The following UBE3D variants were observed in gnomAD, a reference collection of about 807,000 sequenced individuals.
The protein encoded by UBE3D is ubiquitin protein ligase E3D.
Under a neutral mutation model 49.6 loss-of-function variants are expected in UBE3D, and 48 were observed. The observed-to-expected ratio is 0.97, with a 90% CI of 0.77 to 1.23. The LOEUF (loss-of-function observed/expected upper bound fraction) is 1.23, where lower values mean the gene tolerates loss of function less well. UBE3D is among the 50% of genes most tolerant of loss of function. The pLI, the probability that UBE3D is intolerant of heterozygous loss-of-function variation, is 0.00. For missense variants in UBE3D, 452 were observed against 468.4 expected, an observed-to-expected ratio of 0.96 and a Z score of 0.32; for synonymous variants, 189 against 174.2, an observed-to-expected ratio of 1.08 and a Z score of -0.67.
chr6:83,027,460 A>AAAAAAAAAAAAAAAAAAAC (rs1472360166), intron 5 of UBE3D, among the ~76,000 whole-genome samples: 4 of 148,548 alleles, frequency 2.7e-5, no homozygotes, highest in African/African-American at 4.9e-5. Context: ...AAAAAAAAAA[A>AAAAAAAAAAAAAAAAAAAC]AGAAACCACT....
intron 8 of UBE3D, among the ~76,000 whole-genome samples, chr6:82,982,833 T>C (rs1778205110): frequency 6.6e-6 from 1 of 152,190 alleles, no homozygotes; most frequent in South Asian, 2.1e-4. Flanking sequence ...AATCTGCCTA[T>C]GAAAAAACTT....
intron 9 of UBE3D, among the ~76,000 whole-genome samples, chr6:82,932,961 AAAG>A (rs1774278800): frequency 6.6e-6 from 1 of 152,192 alleles, no homozygotes. Flanking sequence ...TGTCTGTTAT[AAAG>A]AATGTGACAG....
intron 5 of UBE3D, 101 bp downstream of exon 5, chr6:83,038,315 T>C (rs993864495): frequency 4.2e-6 from 4 of 950,660 alleles, no homozygotes; most frequent in Non-Finnish European, 6.4e-6. Context: ...TTCCACAACA[T>C]ATATTAATCA....
intron 8 of UBE3D, among the ~76,000 whole-genome samples, chr6:82,966,779 C>A (rs1184432486): frequency 1.3e-5 from 2 of 151,762 alleles, no homozygotes. Flanking sequence ...TCTAGGGATA[C>A]CTATAGATCT....
intron 3 of UBE3D, 48 bp from the exon 4 acceptor site, chr6:83,044,707 A>G (rs1244291197): frequency 7.2e-7 from 1 of 1,390,656 alleles, no homozygotes; most frequent in African/African-American, 1.4e-5. Context: ...AATGATACTA[A>G]CATTTTCTTA....
At chr6:82,924,291 A>T (rs1285028555) in intron 9 of UBE3D, among the ~76,000 whole-genome samples, 10 of 152,152 alleles carry the variant, frequency 6.6e-5, no homozygotes, top group Admixed American at 1.3e-4. Context: ...ACTTGGATGA[A>T]ATATAGGTTG....
chr6:82,923,746 T>C (rs1191768579), intron 9 of UBE3D, among the ~76,000 whole-genome samples: 4 of 152,176 alleles, frequency 2.6e-5, no homozygotes, highest in African/African-American at 9.7e-5. Context: ...GAGGAACATC[T>C]GTTACTTATC....
chr6:83,013,861 A>G (rs948613934), intron 8 of UBE3D, among the ~76,000 whole-genome samples: 6 of 152,230 alleles, frequency 3.9e-5, no homozygotes, highest in Admixed American at 6.5e-5. Context: ...AATGTCCTCA[A>G]TGTAACAGAC....
chr6:82,891,764 A>G (rs12524327), downstream of UBE3D, among the ~76,000 whole-genome samples: 49,694 of 152,116 alleles, frequency 0.33, 9,513 homozygotes, highest in African/African-American at 0.52. Flanking sequence ...GGTGACTCAC[A>G]CCTGTAATCC....
At chr6:82,986,485 A>C (rs898573707) in intron 8 of UBE3D, among the ~76,000 whole-genome samples, 1 of 149,852 alleles carries the variant, frequency 6.7e-6, no homozygotes, top group Non-Finnish European at 1.5e-5. Context: ...AAAAAAAAAA[A>C]AAAAAAAAAA....
In UBE3D at chr6:82,976,560, C is replaced by G. The variant is rs186323623; in HGVS notation, c.1011-19110G>C. On this transcript the variant is annotated intron_variant, in intron 8 of 9. Transcript: ENST00000369747. ...TTTTACACTTGTATTGCCTCTACCT[C>G]TGACCTTCAGCCAATATTTCTGCCA... Among the ~76,000 whole-genome samples, 3 of 152,288 alleles carry G rather than the reference C, an allele frequency of 2.0e-5. No homozygotes were observed. The East Asian group carries it at 5.8e-4, about 29-fold the overall frequency.
chr6:82,957,851 T>C (rs961414023), intron 8 of UBE3D, among the ~76,000 whole-genome samples: 1 of 152,208 alleles, frequency 6.6e-6, no homozygotes, highest in African/African-American at 2.4e-5. Flanking sequence ...ATCCCCATTC[T>C]ACAGCTATGA....
intron 9 of UBE3D, among the ~76,000 whole-genome samples, chr6:82,929,581 T>TG (rs1391222789): frequency 5.9e-5 from 9 of 151,268 alleles, no homozygotes; most frequent in African/African-American, 1.7e-4. Flanking sequence ...TTGTTCTGGT[T>TG]GGGGGGGTGG....
chr6:83,023,919 T>TG, intron 6 of UBE3D, 50 bp downstream of exon 6: 1 of 1,267,022 alleles, frequency 7.9e-7, no homozygotes, highest in Non-Finnish European at 1.1e-6. Context: ...AAGGTCTGAA[T>TG]GGGGAAAAAA....
At chr6:82,907,223 G>C (rs1469933265) in intron 9 of UBE3D, among the ~76,000 whole-genome samples, 1 of 152,178 alleles carries the variant, frequency 6.6e-6, no homozygotes, top group African/African-American at 2.4e-5. Context: ...GAAGGATGAG[G>C]TCGGGCTGTT....
At chr6:83,032,889 C>T (rs1397955545) in intron 5 of UBE3D, among the ~76,000 whole-genome samples, 1 of 152,174 alleles carries the variant, frequency 6.6e-6, no homozygotes. Context: ...GTCTTTGTCC[C>T]CCTTCACCTT....
chr6:82,933,588 G>A (rs893315191), intron 9 of UBE3D, among the ~76,000 whole-genome samples: 1 of 152,142 alleles, frequency 6.6e-6, no homozygotes, highest in Non-Finnish European at 1.5e-5. Context: ...GAGTGTAGTG[G>A]TAAAATGTGA....
At chr6:82,980,750 A>C (rs2127718684) in intron 8 of UBE3D, among the ~76,000 whole-genome samples, 1 of 152,024 alleles carries the variant, frequency 6.6e-6, no homozygotes, top group South Asian at 2.1e-4. Flanking sequence ...TCTATATGGT[A>C]AGAGAGGGTT....
intron 9 of UBE3D, among the ~76,000 whole-genome samples, chr6:82,916,484 G>C (rs1009419500): frequency 1.3e-5 from 2 of 152,140 alleles, no homozygotes; most frequent in Non-Finnish European, 2.9e-5. Context: ...CACACTGAAG[G>C]CTGGCACAAT....
Sources: allele counts gnomAD v4.1 joint callset (sites outside exome capture counted in the v4.1 genomes callset), GRCh38; gene constraint gnomAD v4.1.1; transcripts MANE v1.5; gene names NCBI Gene and HGNC (gene_info 2026-07-23, HGNC 2026-07-21).